NKAIN2: variants seen among roughly 807,000 people sequenced by gnomAD.
The protein encoded by NKAIN2 is sodium/potassium transporting ATPase interacting 2, also known as sodium/potassium-transporting ATPase subunit beta-1-interacting protein 2.
A neutral mutation model predicts 32.6 loss-of-function variants in NKAIN2; 14 were observed. The observed-to-expected ratio is 0.43, with a 90% CI of 0.28 to 0.67. The LOEUF (loss-of-function observed/expected upper bound fraction) is 0.67. Among genes scored for constraint, NKAIN2 ranks in the 30% least tolerant of loss-of-function variants. The pLI is 0.17. For synonymous variants in NKAIN2, 80 were observed against 87.2 expected, an observed-to-expected ratio of 0.92 and a Z score of 0.46; for missense variants, 198 against 258.3, an observed-to-expected ratio of 0.77 and a Z score of 1.60.
chr6:124,221,480 G>T (rs889955417), intron 1 of NKAIN2, among the ~76,000 whole-genome samples: 1 of 151,580 alleles, frequency 6.6e-6, no homozygotes, highest in African/African-American at 2.4e-5. Flanking sequence ...TGGGTGCAGC[G>T]CACCAGCGTG....
At chr6:123,976,390 T>C (rs372104445) in intron 1 of NKAIN2, among the ~76,000 whole-genome samples, 1 of 44,350 alleles carries the variant, frequency 2.3e-5, no homozygotes, top group Non-Finnish European at 4.6e-5. Flanking sequence ...TATATATATA[T>C]ATATATATAT....
intron 1 of NKAIN2, among the ~76,000 whole-genome samples, chr6:124,249,043 T>A (rs1793559865): frequency 6.6e-6 from 1 of 152,126 alleles, no homozygotes; most frequent in Non-Finnish European, 1.5e-5. Context: ...AGTTATTAAA[T>A]CTCAATAAAT....
intron 1 of NKAIN2, among the ~76,000 whole-genome samples, chr6:123,845,994 C>T (rs927459262): frequency 2.4e-4 from 37 of 151,986 alleles, no homozygotes; most frequent in African/African-American, 8.2e-4. Context: ...CTGACTCATC[C>T]CAATCTCTCT....
intron 1 of NKAIN2, among the ~76,000 whole-genome samples, chr6:124,003,271 A>G (rs1324917771): frequency 6.6e-6 from 1 of 152,222 alleles, no homozygotes; most frequent in East Asian, 1.9e-4. Flanking sequence ...TTAGACACTT[A>G]CCATGTGCAT....
At chr6:124,144,362 A>G (rs552997486) in intron 1 of NKAIN2, among the ~76,000 whole-genome samples, 2 of 152,336 alleles carry the variant, frequency 1.3e-5, no homozygotes, top group Non-Finnish European at 2.9e-5. Flanking sequence ...TCCATGAAAG[A>G]GGTGACATTG....
intron 1 of NKAIN2, among the ~76,000 whole-genome samples, chr6:123,894,361 T>C (rs187927871): frequency 1.2e-3 from 180 of 152,278 alleles, no homozygotes; most frequent in Middle Eastern, 0.01. Flanking sequence ...TTTGGAATTA[T>C]TTGGGACTCA....
intron 1 of NKAIN2, among the ~76,000 whole-genome samples, chr6:124,194,531 T>C (rs1030182775): frequency 3.9e-5 from 6 of 152,158 alleles, no homozygotes; most frequent in African/African-American, 1.4e-4. Flanking sequence ...ATTACTTGAT[T>C]TTCGTACATT....
At chr6:124,515,676 C>T (rs1778880524) in intron 3 of NKAIN2, among the ~76,000 whole-genome samples, 1 of 152,092 alleles carries the variant, frequency 6.6e-6, no homozygotes, top group East Asian at 2.0e-4. Flanking sequence ...AACATCCAAA[C>T]TATAGCACTT....
chr6:124,007,379 A>G (rs1236792399), intron 1 of NKAIN2, among the ~76,000 whole-genome samples: 2 of 152,134 alleles, frequency 1.3e-5, no homozygotes, highest in Non-Finnish European at 2.9e-5. Context: ...CAACTCCACA[A>G]TGTTGAGATT....
intron 3 of NKAIN2, among the ~76,000 whole-genome samples, chr6:124,511,042 T>C (rs946288985): frequency 2.0e-5 from 3 of 152,192 alleles, no homozygotes. Flanking sequence ...AACTATGTGC[T>C]ACCCAGGACA....
chr6:124,160,808 C>T (rs1788237803), intron 1 of NKAIN2, among the ~76,000 whole-genome samples: 1 of 152,094 alleles, frequency 6.6e-6, no homozygotes, highest in Non-Finnish European at 1.5e-5. Context: ...AATTTATAAT[C>T]AAACTACAAT....
intron 2 of NKAIN2, among the ~76,000 whole-genome samples, chr6:124,327,677 C>A (rs528612709): frequency 1.1e-4 from 16 of 152,054 alleles, no homozygotes; most frequent in Non-Finnish European, 2.2e-4. Flanking sequence ...ACACATTGAA[C>A]TAGTAATAAA....
intron 1 of NKAIN2, among the ~76,000 whole-genome samples, chr6:123,990,151 C>T (rs1779351252): frequency 6.6e-6 from 1 of 152,148 alleles, no homozygotes; most frequent in Non-Finnish European, 1.5e-5. Flanking sequence ...CACTCACTAT[C>T]ATGAGAACAG....
intron 1 of NKAIN2, among the ~76,000 whole-genome samples, chr6:124,075,122 T>C (rs947741217): frequency 6.6e-6 from 1 of 152,184 alleles, no homozygotes; most frequent in African/African-American, 2.4e-5. Context: ...TCAGTGTTAA[T>C]AGTATAGTGG....
chr6:124,602,992 A>C (rs1782366608), intron 3 of NKAIN2, among the ~76,000 whole-genome samples: 1 of 151,984 alleles, frequency 6.6e-6, no homozygotes, highest in Non-Finnish European at 1.5e-5. Flanking sequence ...CAAAAAACAC[A>C]GTCATAAGAG....
At chr6:124,771,058 T>TA (rs1420691701) in intron 4 of NKAIN2, among the ~76,000 whole-genome samples, 3 of 152,138 alleles carry the variant, frequency 2.0e-5, no homozygotes, top group African/African-American at 7.2e-5. Context: ...CTATGAGACT[T>TA]CCCTGCAGAT....
chr6:124,413,183 G>C (rs1026330364), intron 3 of NKAIN2, among the ~76,000 whole-genome samples: 1 of 152,102 alleles, frequency 6.6e-6, no homozygotes, highest in African/African-American at 2.4e-5. Context: ...CCCATGTCCT[G>C]CAGCCACTGT....
intron 3 of NKAIN2, among the ~76,000 whole-genome samples, chr6:124,411,406 G>C (rs1404143079): frequency 7.2e-5 from 11 of 152,100 alleles, no homozygotes; most frequent in African/African-American, 2.4e-4. Flanking sequence ...GCATTTGCTT[G>C]TCTGTAAAGT....
chr6:124,518,669 G>C (rs964287843), intron 3 of NKAIN2, among the ~76,000 whole-genome samples: 1 of 152,124 alleles, frequency 6.6e-6, no homozygotes, highest in Non-Finnish European at 1.5e-5. Context: ...CAGCATTGGG[G>C]ATTACAATTT....
Sources: allele counts gnomAD v4.1 joint callset (sites outside exome capture counted in the v4.1 genomes callset), GRCh38; gene constraint gnomAD v4.1.1; transcripts MANE v1.5; gene names NCBI Gene and HGNC (gene_info 2026-07-23, HGNC 2026-07-21).